Variants in TMEM132B observed in about 807,000 individuals in gnomAD.
TMEM132B encodes transmembrane protein 132B.
A neutral mutation model predicts 90.8 loss-of-function variants in TMEM132B; 18 were observed. The observed-to-expected ratio is 0.20, with a 90% confidence interval of 0.14 to 0.29. The LOEUF is 0.29. Among genes scored for constraint, TMEM132B ranks in the 10% least tolerant of loss-of-function variants. The pLI, the probability that TMEM132B is intolerant of heterozygous loss-of-function variation, is 1.00. For synonymous variants in TMEM132B, 504 were observed against 523.3 expected, an observed-to-expected ratio of 0.96 and a Z score of 0.50; for missense variants, 1,096 against 1,326.8, an observed-to-expected ratio of 0.83 and a Z score of 2.70.
At chr12:125,315,765 A>C (rs1433201172) in intron 1 of TMEM132B, among the ~76,000 whole-genome samples, 1 of 152,204 alleles carries the variant, frequency 6.6e-6, no homozygotes, top group Admixed American at 6.5e-5. Flanking sequence ...TGGAGTGAAC[A>C]GGAGACCCCA....
intron 4 of TMEM132B, among the ~76,000 whole-genome samples, chr12:125,531,629 T>G (rs1883648941): frequency 6.6e-6 from 1 of 152,320 alleles, no homozygotes; most frequent in Middle Eastern, 3.4e-3. Flanking sequence ...GTATCTAGAA[T>G]AGACTGAAGG....
At chr12:125,384,238 C>T (rs533353447) in intron 2 of TMEM132B, among the ~76,000 whole-genome samples, 25 of 152,226 alleles carry the variant, frequency 1.6e-4, no homozygotes, top group African/African-American at 3.6e-4. Flanking sequence ...CCATCACGCC[C>T]GGCTGAAACT....
chr12:125,568,992 T>C (rs543420043), intron 4 of TMEM132B, among the ~76,000 whole-genome samples: 2 of 152,318 alleles, frequency 1.3e-5, no homozygotes, highest in African/African-American at 4.8e-5. Flanking sequence ...GCATGTGTTT[T>C]GGGGTTGGGC....
At chr12:125,310,841 T>C (rs1249904861) in intron 1 of TMEM132B, among the ~76,000 whole-genome samples, 1 of 152,202 alleles carries the variant, frequency 6.6e-6, no homozygotes, top group Non-Finnish European at 1.5e-5. Context: ...GGTGTGTCGA[T>C]GTGAGAAACA....
At chr12:125,338,368 C>A (rs999012025) in intron 1 of TMEM132B, among the ~76,000 whole-genome samples, 1 of 152,186 alleles carries the variant, frequency 6.6e-6, no homozygotes, top group Admixed American at 6.5e-5. Flanking sequence ...CTGTCACCAT[C>A]CCTCTCAGGA....
intron 5 of TMEM132B, among the ~76,000 whole-genome samples, chr12:125,614,958 G>C (rs1313369463): frequency 6.6e-6 from 1 of 152,070 alleles, no homozygotes; most frequent in East Asian, 1.9e-4. Flanking sequence ...TAGGATTCTT[G>C]GTTGACAGTT....
intron 1 of TMEM132B, among the ~76,000 whole-genome samples, chr12:125,225,557 G>A (rs1374482184): frequency 2.0e-5 from 3 of 151,974 alleles, no homozygotes; most frequent in East Asian, 1.9e-4. Flanking sequence ...TAACTCTATC[G>A]CAGTGGGCTG....
chr12:125,627,617 A>G (rs1295249722), intron 5 of TMEM132B, among the ~76,000 whole-genome samples: 1 of 152,172 alleles, frequency 6.6e-6, no homozygotes, highest in Non-Finnish European at 1.5e-5. Flanking sequence ...TAATCACATC[A>G]TGGAGAATGG....
chr12:125,651,834 C>G (rs752745976), intron 7 of TMEM132B, among the ~76,000 whole-genome samples: 10 of 152,304 alleles, frequency 6.6e-5, no homozygotes, highest in Middle Eastern at 3.4e-3. Flanking sequence ...GATTTTAGGA[C>G]TGACCAAAGT....
chr12:125,455,461 G>A (rs1182238490), intron 3 of TMEM132B, among the ~76,000 whole-genome samples: 1 of 152,190 alleles, frequency 6.6e-6, no homozygotes, highest in African/African-American at 2.4e-5. Flanking sequence ...AAGAGCTCGA[G>A]AGAAATTTGC....
rs149633924 is a variant in TMEM132B, at chr12:125,256,056, C to T, written c.67+69190C>T. The stretch of plus-strand genomic sequence containing the variant: ...TCTCATCTCTTGGATTTCACAGAAG[C>T]GATTCTGGGTCAGTCAGTGCGTTCA... On this transcript the variant is annotated intron_variant, in intron 1 of 8. Coordinates refer to ENST00000682704, the MANE Select transcript of TMEM132B (RefSeq NM_001366854.1). 1.7e-3 allele frequency among the ~76,000 whole-genome samples: 253 copies of T among 152,132 alleles called. 1 individual carries two copies. The highest frequency in any genetic ancestry group is 3.4e-3 in the Middle Eastern group (1 of 294).
At chr12:125,519,293 G>A (rs917281654) in intron 3 of TMEM132B, 146 bp from the exon 4 acceptor site, 1 of 783,566 alleles carries the variant, frequency 1.3e-6, no homozygotes, top group Non-Finnish European at 2.0e-6. Flanking sequence ...CTGTGAATTA[G>A]GCTCCGACAA....
At chr12:125,440,526 C>G (rs1265725592) in intron 3 of TMEM132B, among the ~76,000 whole-genome samples, 1 of 152,052 alleles carries the variant, frequency 6.6e-6, no homozygotes, top group Non-Finnish European at 1.5e-5. Flanking sequence ...TCATTAGGAC[C>G]CGCGATTATT....
At position 125,359,967 on chromosome 12, in the gene TMEM132B, A is replaced by G. The variant is rs532678103; in HGVS notation, c.959+9624A>G. 2.0e-5 allele frequency among the ~76,000 whole-genome samples: 3 copies of G among 152,300 alleles called. No individual in the cohort carries two copies. In the South Asian group the frequency reaches 6.2e-4, roughly 32 times the overall value. On this transcript the variant is annotated intron_variant, in intron 2 of 8. Transcript: ENST00000682704. ...GTGGCACGTGCCTCTAGTCCCAGCT[A>G]CTTGGGAGGCTGAGGCAGGAGAATC...
intron 6 of TMEM132B, among the ~76,000 whole-genome samples, chr12:125,646,074 T>C (rs1468431090): frequency 6.6e-6 from 1 of 152,144 alleles, no homozygotes; most frequent in Non-Finnish European, 1.5e-5. Flanking sequence ...TGTGGACAAA[T>C]GGGAAGTAGA....
chr12:125,222,476 T>C (rs1266466131), intron 1 of TMEM132B, among the ~76,000 whole-genome samples: 1 of 152,088 alleles, frequency 6.6e-6, no homozygotes. Flanking sequence ...CAAACCAGGC[T>C]CTCCATAAAT....
At chr12:125,607,403 T>A (rs1416540199) in intron 5 of TMEM132B, among the ~76,000 whole-genome samples, 1 of 152,182 alleles carries the variant, frequency 6.6e-6, no homozygotes, top group Admixed American at 6.5e-5. Context: ...TATTGATTAG[T>A]TTGCTTTATC....
At chr12:125,297,524 T>G (rs1010472691) in intron 1 of TMEM132B, among the ~76,000 whole-genome samples, 3 of 152,254 alleles carry the variant, frequency 2.0e-5, no homozygotes, top group Admixed American at 6.5e-5. Flanking sequence ...TGCTGGTGAT[T>G]CATTCCATCA....
At chr12:125,568,127 T>C (rs1884704487) in intron 4 of TMEM132B, among the ~76,000 whole-genome samples, 1 of 152,066 alleles carries the variant, frequency 6.6e-6, no homozygotes, top group Non-Finnish European at 1.5e-5. Context: ...TGTTTAAACA[T>C]GTGTGTTTTG....
Sources: gnomAD v4.1 joint callset for allele counts (sites outside exome capture counted in the v4.1 genomes callset) on GRCh38, gnomAD v4.1.1 for gene constraint, MANE v1.5 for transcripts, NCBI Gene and HGNC (gene_info 2026-07-23, HGNC 2026-07-21) for gene names.